Variants in SCRT2 observed in about 807,000 individuals in gnomAD.
The protein encoded by SCRT2 is scratch family transcriptional repressor 2.
A neutral mutation model predicts 3.7 loss-of-function variants in SCRT2; 2 were observed. The observed-to-expected ratio is 0.54, with a 90% confidence interval of 0.22 to 1.70. The LOEUF (loss-of-function observed/expected upper bound fraction) is 1.70. Ranked by LOEUF, SCRT2 falls within the 40% of genes most tolerant of loss-of-function variation. SCRT2 has a pLI of 0.19. For synonymous variants in SCRT2, 256 were observed against 220.6 expected, an observed-to-expected ratio of 1.16 and a Z score of -1.42; for missense variants, 456 against 468.5, an observed-to-expected ratio of 0.97 and a Z score of 0.25.
Position 663,757 on chromosome 20 carries a change from T to G in SCRT2, c.838A>C (p.Lys280Gln), listed in dbSNP as rs1424662354. The G allele has an allele frequency of 6.3e-7, 1 of 1,578,806 alleles. No individual in the cohort carries two copies. Among genetic ancestry groups the G allele is most frequent in the Non-Finnish European group, 8.6e-7 (1 of 1,164,810 alleles). The change falls in exon 2 of 2, where the codon AAG (lysine) becomes CAG (glutamine). Residue 280 changes from lysine to glutamine, a missense_variant. This residue lies in a region of SCRT2 where 144 missense variants were observed against 141.9 expected (regional missense o/e 1.01). Transcript: ENST00000246104. This position sits in a 1 kb window ranked among gnomAD's most constrained non-coding sequence, Gnocchi z 6.9. Reference sequence around the variant, plus strand: ...TCGCAGTGCTTGTGGAGGTAGGACTTGAGCGCGAAGCTCTTGTCGCACTGG... The same window carrying G: ...TCGCAGTGCTTGTGGAGGTAGGACTGGAGCGCGAAGCTCTTGTCGCACTGG... ...CRQCDKSFALKSYLHKHCEAA... is the reference protein window; with the variant it reads ...CRQCDKSFALQSYLHKHCEAA...
rs1300866434 is a variant in SCRT2 at position 665,440 on chromosome 20, G to A, written c.134-979C>T. On this transcript the variant is annotated intron_variant, in intron 1 of 1. Coordinates refer to ENST00000246104, the MANE Select transcript of SCRT2 (RefSeq NM_033129.4). The surrounding 1 kb of genome is among the most constrained non-coding windows in gnomAD (Gnocchi z 5.0). ...TGCTCCCAAGCCTGCTCTAGAAGTCGTCGGAAGTCCGCAGTGAGAATTCCC... is the reference window on the plus strand; with the variant it reads ...TGCTCCCAAGCCTGCTCTAGAAGTCATCGGAAGTCCGCAGTGAGAATTCCC... 6.6e-6 allele frequency among the ~76,000 whole-genome samples: 1 copy of A among 152,208 alleles called. No individual in the cohort carries two copies. The highest frequency in any genetic ancestry group is 1.5e-5 in the Non-Finnish European group (1 of 68,032).
intron 1 of SCRT2, among the ~76,000 whole-genome samples, chr20:673,638 C>A (rs1984416025): frequency 6.6e-6 from 1 of 152,160 alleles, no homozygotes; most frequent in South Asian, 2.1e-4. Context: ...GGCTCTGCAC[C>A]CGCCCTGCTT....
chr20:663,903 A>C lies in SCRT2; in HGVS notation c.692T>G (p.Met231Arg). ...FSRPWLLQGHMRSHTGEKPFG... is the reference protein window; with the variant it reads ...FSRPWLLQGHRRSHTGEKPFG... ...CGGCTTTTCGCCGGTGTGCGAGCGCATGTGACCCTGCAGCAGCCAGGGCCG... is the reference window on the plus strand; with the variant it reads ...CGGCTTTTCGCCGGTGTGCGAGCGCCTGTGACCCTGCAGCAGCCAGGGCCG... Residue 231 changes from methionine to arginine, a missense_variant, in exon 2 of 2, where the codon ATG (methionine) becomes AGG (arginine). By Grantham distance (91) the Met-to-Arg change is moderately conservative (BLOSUM62 -1). This residue lies in a region of SCRT2 where 144 missense variants were observed against 141.9 expected (regional missense o/e 1.01). Coordinates refer to ENST00000246104, the MANE Select transcript of SCRT2 (RefSeq NM_033129.4). The surrounding 1 kb of genome is among the most constrained non-coding windows in gnomAD (Gnocchi z 6.9). 1 of 1,606,350 alleles carries C rather than the reference A, an allele frequency of 6.2e-7. No individual in the cohort carries two copies. The highest frequency in any genetic ancestry group is 8.5e-7 in the Non-Finnish European group (1 of 1,178,630).
At chr20:671,951 A>T (rs1294616840) in intron 1 of SCRT2, among the ~76,000 whole-genome samples, 1 of 152,154 alleles carries the variant, frequency 6.6e-6, no homozygotes, top group Non-Finnish European at 1.5e-5. Flanking sequence ...GACCACTGAC[A>T]TGCATGTGGG....
At chr20:673,658 C>G (rs1185579992) in intron 1 of SCRT2, among the ~76,000 whole-genome samples, 2 of 152,202 alleles carry the variant, frequency 1.3e-5, no homozygotes. Context: ...TCCCACTATT[C>G]ACTCAGGGGC....
In SCRT2 at chr20:663,585, G is replaced by T; in HGVS notation, c.*86C>A. The T allele has an allele frequency of 8.2e-7, 1 of 1,224,892 alleles. No individual in the cohort carries two copies. Among genetic ancestry groups the T allele is most frequent in the South Asian group, 2.6e-5 (1 of 39,020 alleles). The allele number at this position is 1,224,892 out of a possible 1,614,324, so 75.9% of individuals were successfully genotyped here. A position where few individuals can be genotyped will look rare whatever the true frequency, so the allele number is the denominator to read the frequency against. ...GGTCATGGGCAGGGAAACGCAGCCG[G>T]GGCTGGGCGAGGGCGCTGCGGGCGC... On this transcript the variant is annotated 3_prime_UTR_variant, in exon 2 of 2. Coordinates refer to ENST00000246104, the MANE Select transcript of SCRT2 (RefSeq NM_033129.4). This position sits in a 1 kb window ranked among gnomAD's most constrained non-coding sequence, Gnocchi z 6.9.
intron 1 of SCRT2, among the ~76,000 whole-genome samples, chr20:671,455 T>A (rs567684641): frequency 6.6e-6 from 1 of 152,348 alleles, no homozygotes; most frequent in South Asian, 2.1e-4. Flanking sequence ...CAGATGGGTC[T>A]GCTGTGTGTC....
Position 675,407 on chromosome 20 carries a change from G to A in SCRT2, c.133+62C>T. 3 of 1,236,506 alleles carry A rather than the reference G, an allele frequency of 2.4e-6. No individual in the cohort carries two copies. The highest frequency in any genetic ancestry group is 3.1e-5 in the South Asian group (1 of 31,776). 76.6% of individuals were successfully genotyped at this position (1,236,506 alleles called of 1,614,324 possible). ...CGCCCCTCCTCGTGGCCCAAGCTGG[G>A]GAGGGCCCCAGCTCCCCTCGCCTCT... On this transcript the variant is annotated intron_variant, in intron 1 of 1. Coordinates refer to ENST00000246104, the MANE Select transcript of SCRT2 (RefSeq NM_033129.4). This position sits in a 1 kb window ranked among gnomAD's most constrained non-coding sequence, Gnocchi z 6.9.
chr20:674,719 GTGTGTGTGTGTGTA>G (rs1385288073), intron 1 of SCRT2, among the ~76,000 whole-genome samples: 99 of 72,468 alleles, frequency 1.4e-3, no homozygotes, highest in African/African-American at 5.1e-3. Flanking sequence ...GTGTGTGTGT[GTGTGTGTGTGTGTA>G]TGTGTAGTGA....
In SCRT2 at chr20:664,217, G is replaced by T; in HGVS notation, c.378C>A (p.Gly126=). The T allele has an allele frequency of 2.4e-6, 2 of 817,854 alleles. No individual in the cohort carries two copies. Among genetic ancestry groups the T allele is most frequent in the South Asian group, 4.4e-5 (1 of 22,944 alleles). The allele number at this position is 817,854 out of a possible 1,614,324, so 50.7% of individuals were successfully genotyped here. The part of the protein sequence containing the change: ...GRSRRRRGGG[G]GDAGGSGDAG... ...CGTCTCCCGAGCCCCCCGCGTCCCC[G>T]CCGCCCCCGCCCCGCCGCCGCCGCG... is the stretch of plus-strand genomic sequence containing the variant. Residue 126 remains glycine, a synonymous_variant, in exon 2 of 2, where the codon GGC becomes GGA. Coordinates refer to ENST00000246104, the MANE Select transcript of SCRT2 (RefSeq NM_033129.4). This position sits in a 1 kb window ranked among gnomAD's most constrained non-coding sequence, Gnocchi z 7.9.
rs549639085 is a variant in SCRT2 at position 666,501 on chromosome 20, C to G, written c.134-2040G>C. On this transcript the variant is annotated intron_variant, in intron 1 of 1. Coordinates refer to ENST00000246104, the MANE Select transcript of SCRT2 (RefSeq NM_033129.4). The surrounding 1 kb of genome is among the most constrained non-coding windows in gnomAD (Gnocchi z 4.4). ...GGCTCTGTGCTAAGTGCTTCGCTCCCATCATCTCACTGAATCATCACAAAA... is the reference window on the plus strand; with the variant it reads ...GGCTCTGTGCTAAGTGCTTCGCTCCGATCATCTCACTGAATCATCACAAAA... Among the ~76,000 whole-genome samples, 35 of 152,318 alleles carry G rather than the reference C, an allele frequency of 2.3e-4. No homozygotes were observed. The highest frequency in any genetic ancestry group is 7.9e-4 in the African/African-American group (33 of 41,568).
At chr20:668,493 C>G (rs1984227206) in intron 1 of SCRT2, among the ~76,000 whole-genome samples, 1 of 152,182 alleles carries the variant, frequency 6.6e-6, no homozygotes, top group South Asian at 2.1e-4. Flanking sequence ...AAGAGAATCT[C>G]AGGTGAGATC....
rs1171538505 is a variant in SCRT2, at chr20:664,274, G to A, written c.321C>T (p.Ser107=). The stretch of plus-strand genomic sequence containing the variant: ...CGTCCGAGATGAAGAAGGCGTCCAT[G>A]GAGTAGCTGTCGGTCACTGCCGCCT... ...RGEAAVTDSY[S]MDAFFISDGR... The change falls in exon 2 of 2, where the codon TCC becomes TCT. Residue 107 remains serine, a synonymous_variant. Transcript: ENST00000246104. The surrounding 1 kb of genome is among the most constrained non-coding windows in gnomAD (Gnocchi z 7.9). The A allele has an allele frequency of 6.9e-7, 1 of 1,444,266 alleles. No individual in the cohort carries two copies. The highest frequency in any genetic ancestry group is 9.2e-7 in the Non-Finnish European group (1 of 1,086,086). The allele number at this position is 1,444,266 out of a possible 1,614,324, so 89.5% of individuals were successfully genotyped here.
rs1984206404 is a variant in SCRT2, at chr20:667,915, A to G, written c.134-3454T>C. Among the ~76,000 whole-genome samples the G allele has an allele frequency of 6.6e-6, 1 of 151,842 alleles. No homozygotes were observed. Among genetic ancestry groups the G allele is most frequent in the Non-Finnish European group, 1.5e-5 (1 of 67,968 alleles). On this transcript the variant is annotated intron_variant, in intron 1 of 1. Transcript: ENST00000246104. The surrounding 1 kb of genome is among the most constrained non-coding windows in gnomAD (Gnocchi z 4.4). ...AAAGATGGACTGGAATGGTCTAAAGACCCTTTCTGCATCATGGCTGAATCA... is the reference window on the plus strand; with the variant it reads ...AAAGATGGACTGGAATGGTCTAAAGGCCCTTTCTGCATCATGGCTGAATCA...
chr20:674,399 T>TCTCA (rs1399542427), intron 1 of SCRT2, among the ~76,000 whole-genome samples: 63 of 106,784 alleles, frequency 5.9e-4, no homozygotes, highest in African/African-American at 1.0e-3. Flanking sequence ...TCTCTCTCTC[T>TCTCA]CACACACACA....
Position 665,743 on chromosome 20 carries a change from C to A in SCRT2, c.134-1282G>T, listed in dbSNP as rs1438563225. Among the ~76,000 whole-genome samples, 1 of 152,156 alleles carries A rather than the reference C, an allele frequency of 6.6e-6. No individual in the cohort carries two copies. The highest frequency in any genetic ancestry group is 2.4e-5 in the African/African-American group (1 of 41,418). On this transcript the variant is annotated intron_variant, in intron 1 of 1. Transcript: ENST00000246104. This position sits in a 1 kb window ranked among gnomAD's most constrained non-coding sequence, Gnocchi z 5.0. Reference sequence around the variant, plus strand: ...CAAGTGATTCCATTGTTCTGTGATTCCACAGAACAATGAAGGTTAGGTCCG... The same window carrying A: ...CAAGTGATTCCATTGTTCTGTGATTACACAGAACAATGAAGGTTAGGTCCG...
chr20:670,874 C>T (rs1984310600), intron 1 of SCRT2, among the ~76,000 whole-genome samples: 2 of 152,290 alleles, frequency 1.3e-5, no homozygotes, highest in South Asian at 4.1e-4. Context: ...CTCACATGGG[C>T]CTCATCATTC....
At chr20:669,721 C>G (rs376472146) in intron 1 of SCRT2, among the ~76,000 whole-genome samples, 7 of 152,254 alleles carry the variant, frequency 4.6e-5, no homozygotes, top group Non-Finnish European at 1.0e-4. Flanking sequence ...AAAGCCAGGT[C>G]TGTCAGCAGC....
intron 1 of SCRT2, among the ~76,000 whole-genome samples, chr20:670,284 T>C (rs984244390): frequency 6.6e-6 from 1 of 152,118 alleles, no homozygotes; most frequent in African/African-American, 2.4e-5. Context: ...AGACTGGGTG[T>C]GTTGTGCAGT....
Sources: allele counts gnomAD v4.1 joint callset (sites outside exome capture counted in the v4.1 genomes callset), GRCh38; gene constraint gnomAD v4.1.1; regional missense constraint gnomAD v4.1.1; non-coding constraint Gnocchi (gnomAD v3.1); transcripts MANE v1.5; gene names NCBI Gene and HGNC (gene_info 2026-07-23, HGNC 2026-07-21).